Variants in FHIP1A observed in about 807,000 individuals in gnomAD.
FHIP1A encodes FHF complex subunit HOOK interacting protein 1A.
FHIP1A carries 61 observed loss-of-function variants against 88.6 expected under a neutral mutation model. The observed-to-expected ratio is 0.69, with a 90% CI of 0.56 to 0.85. The LOEUF (loss-of-function observed/expected upper bound fraction) is 0.85, where lower values mean the gene tolerates loss of function less well. Ranked by LOEUF, FHIP1A falls within the 40% of genes least tolerant of loss-of-function variation. The pLI is 0.00. For missense variants in FHIP1A, 1,154 were observed against 1,273.5 expected, an observed-to-expected ratio of 0.91 and a Z score of 1.43; for synonymous variants, 478 against 496.0, an observed-to-expected ratio of 0.96 and a Z score of 0.48.
chr4:151,629,831 C>T lies in FHIP1A; in HGVS notation c.1108C>T (p.Leu370=). Reference sequence around the variant, plus strand: ...GCACCAGCACGAGAATGTCCACATCCTAGACACTCTCACGAGTCGAATCAA... The same window carrying T: ...GCACCAGCACGAGAATGTCCACATCTTAGACACTCTCACGAGTCGAATCAA... ...LLHQHENVHI[L]DTLTSRINTP... Residue 370 remains leucine, a synonymous_variant, in exon 8 of 14, where the codon CTA becomes TTA. Coordinates refer to ENST00000435205, the MANE Select transcript of FHIP1A (RefSeq NM_001109977.3). 6.4e-7 allele frequency: 1 copy of T among 1,551,354 alleles called. No individual in the cohort carries two copies. Among genetic ancestry groups the T allele is most frequent in the African/African-American group, 1.4e-5 (1 of 73,146 alleles).
chr4:151,476,787 C>T (rs765424262), intron 2 of FHIP1A, among the ~76,000 whole-genome samples: 2 of 152,114 alleles, frequency 1.3e-5, no homozygotes, highest in Admixed American at 1.3e-4. Flanking sequence ...ATATGATAAT[C>T]TATAAATGTG....
chr4:151,415,012 C>A (rs972846750), intron 1 of FHIP1A, among the ~76,000 whole-genome samples: 1 of 151,918 alleles, frequency 6.6e-6, no homozygotes, highest in Admixed American at 6.6e-5. Flanking sequence ...TTATTATTAA[C>A]GTGGTTGTTA....
At chr4:151,524,358 A>G (rs1406179616) in intron 3 of FHIP1A, among the ~76,000 whole-genome samples, 1 of 152,110 alleles carries the variant, frequency 6.6e-6, no homozygotes, top group Non-Finnish European at 1.5e-5. Context: ...CATCCCTCTT[A>G]GATGATTTGG....
intron 7 of FHIP1A, among the ~76,000 whole-genome samples, chr4:151,622,600 A>G (rs1466503699): frequency 2.0e-5 from 3 of 152,134 alleles, no homozygotes; most frequent in Non-Finnish European, 4.4e-5. Flanking sequence ...AACTGAAACA[A>G]TATGCTTCGA....
chr4:151,447,384 A>G (rs1015377475), intron 1 of FHIP1A, among the ~76,000 whole-genome samples: 2 of 152,096 alleles, frequency 1.3e-5, no homozygotes, highest in African/African-American at 2.4e-5. Context: ...TTTTGTAAAC[A>G]TTTGGAATGT....
intron 2 of FHIP1A, among the ~76,000 whole-genome samples, chr4:151,468,662 A>T (rs898335669): frequency 6.6e-6 from 1 of 152,196 alleles, no homozygotes; most frequent in East Asian, 1.9e-4. Context: ...CTGGATGTGT[A>T]TGTACACTAA....
chr4:151,467,610 A>G (rs1171831632), intron 2 of FHIP1A, among the ~76,000 whole-genome samples: 1 of 152,226 alleles, frequency 6.6e-6, no homozygotes, highest in Non-Finnish European at 1.5e-5. Context: ...TAAAGAAAAG[A>G]AAATGTAGTA....
intron 1 of FHIP1A, among the ~76,000 whole-genome samples, chr4:151,436,832 C>T (rs984760943): frequency 2.0e-5 from 3 of 152,024 alleles, no homozygotes; most frequent in African/African-American, 7.2e-5. Context: ...AGTAGTAATA[C>T]CAACATCCAT....
intron 2 of FHIP1A, among the ~76,000 whole-genome samples, chr4:151,467,934 C>T (rs1729378771): frequency 6.7e-6 from 1 of 148,634 alleles, no homozygotes; most frequent in African/African-American, 2.5e-5. Context: ...CACCATGGCA[C>T]ATGTATACCT....
At chr4:151,556,455 A>C (rs1316502903) in intron 3 of FHIP1A, among the ~76,000 whole-genome samples, 1 of 152,150 alleles carries the variant, frequency 6.6e-6, no homozygotes, top group Admixed American at 6.5e-5. Flanking sequence ...ATGTTTACTT[A>C]ATGGAAAAAT....
intron 4 of FHIP1A, among the ~76,000 whole-genome samples, chr4:151,573,170 A>G (rs1303099237): frequency 6.6e-6 from 1 of 152,190 alleles, no homozygotes; most frequent in Non-Finnish European, 1.5e-5. Context: ...TATTTTTAAG[A>G]GCATTGTTCA....
At chr4:151,485,735 G>A (rs1184766211) in intron 3 of FHIP1A, among the ~76,000 whole-genome samples, 1 of 152,110 alleles carries the variant, frequency 6.6e-6, no homozygotes, top group African/African-American at 2.4e-5. Flanking sequence ...GGTATGACAG[G>A]CACCTGCCAC....
chr4:151,530,098 A>G (rs1345561590), intron 3 of FHIP1A, among the ~76,000 whole-genome samples: 2 of 152,198 alleles, frequency 1.3e-5, no homozygotes, highest in African/African-American at 2.4e-5. Context: ...TTCGAACTCA[A>G]TGCTCTGGAG....
At chr4:151,574,998 T>C (rs1029532964) in intron 4 of FHIP1A, among the ~76,000 whole-genome samples, 1 of 152,152 alleles carries the variant, frequency 6.6e-6, no homozygotes, top group African/African-American at 2.4e-5. Context: ...CAAAGTCAGA[T>C]TAACAAGTCA....
chr4:151,549,230 T>C (rs1732627085), intron 3 of FHIP1A, among the ~76,000 whole-genome samples: 1 of 151,952 alleles, frequency 6.6e-6, no homozygotes, highest in Admixed American at 6.6e-5. Context: ...AAACTACTGA[T>C]TCGGACTGGT....
intron 13 of FHIP1A, 125 bp downstream of exon 13, chr4:151,657,023 T>C (rs1268709963): frequency 9.6e-7 from 1 of 1,036,378 alleles, no homozygotes; most frequent in Non-Finnish European, 1.4e-6. Flanking sequence ...ATATTTTCAT[T>C]TTTATGCAAC....
chr4:151,628,367 A>T (rs1167254046), intron 7 of FHIP1A, among the ~76,000 whole-genome samples: 1 of 152,210 alleles, frequency 6.6e-6, no homozygotes, highest in African/African-American at 2.4e-5. Flanking sequence ...ATAACTTTTT[A>T]AAAGTAATTT....
intron 3 of FHIP1A, among the ~76,000 whole-genome samples, chr4:151,532,240 A>G (rs1182518999): frequency 6.6e-6 from 1 of 152,160 alleles, no homozygotes; most frequent in Non-Finnish European, 1.5e-5. Flanking sequence ...TGAATTTCAT[A>G]AATCTTTTTC....
chr4:151,526,246 A>C (rs35918805), intron 3 of FHIP1A, among the ~76,000 whole-genome samples: 1 of 152,036 alleles, frequency 6.6e-6, no homozygotes, highest in African/African-American at 2.4e-5. Context: ...CATTGTCATC[A>C]TGGCCCATTC....
Sources: gnomAD v4.1 joint callset for allele counts (sites outside exome capture counted in the v4.1 genomes callset) on GRCh38, gnomAD v4.1.1 for gene constraint, MANE v1.5 for transcripts, NCBI Gene and HGNC (gene_info 2026-07-23, HGNC 2026-07-21) for gene names.